PCNX1: variants seen among roughly 807,000 people sequenced by gnomAD.
PCNX1 encodes the protein pecanex 1.
PCNX1 carries 78 observed loss-of-function variants against 242.2 expected under a neutral mutation model. That is an observed-to-expected ratio of 0.32 (90% CI 0.27 to 0.39). The LOEUF is 0.39. Among genes scored for constraint, PCNX1 ranks in the 10% least tolerant of loss-of-function variants. PCNX1 has a pLI of 1.00. For synonymous variants in PCNX1, 1,024 were observed against 1,032.9 expected, an observed-to-expected ratio of 0.99 and a Z score of 0.17; for missense variants, 2,581 against 2,856.5, an observed-to-expected ratio of 0.90 and a Z score of 2.20.
intron 2 of PCNX1, among the ~76,000 whole-genome samples, chr14:70,955,699 C>T (rs188272422): frequency 1.5e-3 from 221 of 152,276 alleles, no homozygotes; most frequent in Non-Finnish European, 2.6e-3. Flanking sequence ...CAGGTATGTG[C>T]TGAAATCTCC....
At chr14:70,912,457 ACATC>A (rs1481132077) in intron 1 of PCNX1, among the ~76,000 whole-genome samples, 1 of 152,056 alleles carries the variant, frequency 6.6e-6, no homozygotes, top group Non-Finnish European at 1.5e-5. Context: ...CCCCTGACTG[ACATC>A]CAGCTGCTAC....
chr14:70,963,830 C>G (rs187786889), intron 3 of PCNX1, among the ~76,000 whole-genome samples: 2 of 152,260 alleles, frequency 1.3e-5, no homozygotes, highest in East Asian at 1.9e-4. Context: ...TAGTTAAATT[C>G]TGTTTACTTA....
rs1055307729 is a variant in PCNX1, at chr14:71,050,090, G to A, written c.4339-562G>A. Reference sequence around the variant, plus strand: ...AAAACATAGTTTCCAAAGCACTAAAGTTTGGGGAAAATGTGTCTTAGAATA... The same window carrying A: ...AAAACATAGTTTCCAAAGCACTAAAATTTGGGGAAAATGTGTCTTAGAATA... On this transcript the variant is annotated intron_variant, in intron 22 of 35. Transcript: ENST00000304743. 7.9e-5 allele frequency among the ~76,000 whole-genome samples: 12 copies of A among 152,076 alleles called. No individual in the cohort carries two copies. The East Asian group carries it at 2.3e-3, about 29-fold the overall frequency.
chr14:71,101,056 A>G (rs551405525), intron 30 of PCNX1, among the ~76,000 whole-genome samples: 2 of 151,854 alleles, frequency 1.3e-5, no homozygotes, highest in South Asian at 2.1e-4. Context: ...ACATATCTCA[A>G]CCCCCCAGCT....
chr14:70,912,632 C>G (rs748965105), intron 1 of PCNX1, among the ~76,000 whole-genome samples: 2 of 151,840 alleles, frequency 1.3e-5, no homozygotes, highest in African/African-American at 2.4e-5. Context: ...CCACCCCTTG[C>G]TTTTGAGCAA....
At chr14:70,979,187 G>A (rs1015391127) in intron 6 of PCNX1, among the ~76,000 whole-genome samples, 21 of 151,788 alleles carry the variant, frequency 1.4e-4, no homozygotes, top group African/African-American at 5.1e-4. Context: ...TCAAGTTTTA[G>A]GCGTTACGAA....
chr14:70,986,899 T>C (rs1566662399), intron 6 of PCNX1, among the ~76,000 whole-genome samples: 1 of 152,204 alleles, frequency 6.6e-6, no homozygotes, highest in Non-Finnish European at 1.5e-5. Flanking sequence ...TAATATAATA[T>C]TTCACAAAAT....
intron 5 of PCNX1, among the ~76,000 whole-genome samples, chr14:70,970,371 C>G (rs1015984633): frequency 6.6e-6 from 1 of 152,046 alleles, no homozygotes; most frequent in African/African-American, 2.4e-5. Context: ...TTCTCTCTCT[C>G]TCAGTCAATC....
At chr14:70,928,071 T>G (rs1451050395) in intron 1 of PCNX1, among the ~76,000 whole-genome samples, 1 of 152,196 alleles carries the variant, frequency 6.6e-6, no homozygotes, top group Non-Finnish European at 1.5e-5. Flanking sequence ...AATACTTTCA[T>G]TATTGAATTA....
chr14:71,109,928 AAG>A lies in PCNX1; in HGVS notation c.7020_7021del (p.Glu2340AspfsTer8). 6.2e-7 allele frequency: 1 copy of A among 1,613,140 alleles called. No individual in the cohort carries two copies. The highest frequency in any genetic ancestry group is 8.5e-7 in the Non-Finnish European group (1 of 1,179,306). On this transcript the variant is annotated frameshift_variant, in exon 36 of 36. Transcript: ENST00000304743. LOFTEE classifies it high-confidence loss of function. The stretch of plus-strand genomic sequence containing the variant: ...ACTGGGGTACTAGAACTTGGGGCTG[AAG>A]TGTGAGCCAGTGTTTATTATAAAGA...
In PCNX1 at chr14:71,108,654, C is replaced by T. The variant is rs1595524514; in HGVS notation, c.6352C>T (p.Pro2118Ser). 3 of 1,614,070 alleles carry T rather than the reference C, an allele frequency of 1.9e-6. No homozygotes were observed. The highest frequency in any genetic ancestry group is 2.2e-5 in the East Asian group (1 of 44,896). The change falls in exon 34 of 36, where the codon CCT becomes TCT. Residue 2118 changes from proline to serine, a missense_variant. Transcript: ENST00000304743. ...SVQSGLVRQS[P>S]ARASVASQSS... The stretch of plus-strand genomic sequence containing the variant: ...GCAGTCGGGCCTGGTCAGACAGTCT[C>T]CTGCCCGGGCCTCAGTAGCCAGCCA...
chr14:71,070,976 G>A (rs914420346), intron 26 of PCNX1, among the ~76,000 whole-genome samples: 1 of 152,194 alleles, frequency 6.6e-6, no homozygotes, highest in East Asian at 1.9e-4. Context: ...AGTGATCTTA[G>A]CTAGATCTTC....
At chr14:70,959,025 A>G (rs1476063857) in intron 2 of PCNX1, among the ~76,000 whole-genome samples, 1 of 150,332 alleles carries the variant, frequency 6.7e-6, no homozygotes, top group East Asian at 1.9e-4. Context: ...AGCAAAAAAA[A>G]AAAAAAAAGA....
intron 20 of PCNX1, among the ~76,000 whole-genome samples, chr14:71,045,951 G>A (rs760120770): frequency 5.2e-4 from 79 of 151,852 alleles, no homozygotes; most frequent in Non-Finnish European, 9.7e-4. Context: ...GTAATATATT[G>A]TACTTCCTCA....
chr14:71,100,497 A>T (rs1035662964), intron 30 of PCNX1, among the ~76,000 whole-genome samples: 1 of 151,986 alleles, frequency 6.6e-6, no homozygotes, highest in African/African-American at 2.4e-5. Context: ...ATGTGATCTG[A>T]CCTTTTTCTC....
intron 15 of PCNX1, among the ~76,000 whole-genome samples, chr14:71,028,274 A>G (rs1044070353): frequency 2.6e-5 from 4 of 151,976 alleles, no homozygotes; most frequent in Admixed American, 1.3e-4. Flanking sequence ...ACACATGGGC[A>G]TACAGATTTA....
chr14:71,016,204 G>A (rs909774707), intron 11 of PCNX1, among the ~76,000 whole-genome samples: 2 of 152,150 alleles, frequency 1.3e-5, no homozygotes, highest in Non-Finnish European at 2.9e-5. Flanking sequence ...TAATCCACAG[G>A]ATTTAACAGT....
At chr14:71,038,510 CA>C (rs2060611861) in intron 19 of PCNX1, among the ~76,000 whole-genome samples, 2 of 152,012 alleles carry the variant, frequency 1.3e-5, no homozygotes, top group South Asian at 4.2e-4. Context: ...AAATGCAAAT[CA>C]AAACCACAAT....
chr14:71,114,663 T>TATTA lies in PCNX1; in HGVS notation c.*4729_*4732dup, dbSNP rs2062819566. 1 of 148,654 alleles carries TATTA rather than the reference T, an allele frequency of 6.7e-6. No homozygotes were observed. Among genetic ancestry groups the TATTA allele is most frequent in the Non-Finnish European group, 1.5e-5 (1 of 66,960 alleles). 9.2% of individuals were successfully genotyped at this position (148,654 alleles called of 1,614,324 possible). A position where few individuals can be genotyped will look rare whatever the true frequency, so the allele number is the denominator to read the frequency against. ...ACAACTCTGTTCTAAGACTTATACC[T>TATTA]ATTATATAGGGTTATACCTTTTTTC... On this transcript the variant is annotated 3_prime_UTR_variant, in exon 36 of 36. Coordinates refer to ENST00000304743, the MANE Select transcript of PCNX1 (RefSeq NM_014982.3).
Sources: gnomAD v4.1 joint callset for allele counts (sites outside exome capture counted in the v4.1 genomes callset) on GRCh38, gnomAD v4.1.1 for gene constraint, MANE v1.5 for transcripts, NCBI Gene and HGNC (gene_info 2026-07-23, HGNC 2026-07-21) for gene names.